HLX: variants seen among roughly 807,000 people sequenced by gnomAD.
The protein encoded by HLX is H2.0 like homeobox, also known as H2.0-like homeobox protein.
A neutral mutation model predicts 27.7 loss-of-function variants in HLX; 6 were observed. The ratio of observed to expected loss-of-function variants is 0.22; its 90% CI spans 0.12 to 0.43. The LOEUF is 0.43. HLX is among the 20% of genes least tolerant of loss of function. The pLI is 1.00. For synonymous variants in HLX, 328 were observed against 293.8 expected (o/e 1.12, Z -1.19); for missense variants, 666 against 655.2 (o/e 1.02, Z -0.18).
At chr1:220,881,749 C>G in intron 2 of HLX, 1 of 397,498 alleles carries the variant, frequency 2.5e-6, no homozygotes, top group South Asian at 2.1e-5. Context: ...GGTGCCTGGA[C>G]ACATGCGGGA....
At chr1:220,880,475 G>T in intron 1 of HLX, 26 bp downstream of exon 1, 1 of 1,612,942 alleles carries the variant, frequency 6.2e-7, no homozygotes, top group Admixed American at 1.7e-5. Flanking sequence ...GAGGCTGCAG[G>T]CCTCTGACCA....
rs71167242 is a variant in HLX, at chr1:220,881,763, A to AACACACAC, written c.773-358_773-351dup. ...GGGTGCCTGGACACATGCGGGAATA[A>AACACACAC]ACACACACACACACACACACACACA... is the stretch of plus-strand genomic sequence containing the variant. On this transcript the variant is annotated intron_variant, in intron 2 of 3. Transcript: ENST00000366903. 2,315 of 306,604 alleles carry AACACACAC rather than the reference A, an allele frequency of 7.6e-3. 29 individuals carry two copies. The highest frequency in any genetic ancestry group is 0.019 in the East Asian group (233 of 12,018). 19.0% of individuals were successfully genotyped at this position (306,604 alleles called of 1,614,324 possible).
In HLX at chr1:220,879,913, C is replaced by A; in HGVS notation, c.56C>A (p.Ala19Asp). Residue 19 changes from alanine (A) to aspartate (D), a missense_variant, in exon 1 of 4, where the codon GCC becomes GAC. Ala to Asp is a moderately radical substitution (Grantham distance 126). Coordinates refer to ENST00000366903, the MANE Select transcript of HLX (RefSeq NM_021958.4). The stretch of plus-strand genomic sequence containing the variant: ...GCCTCCAACTTCAGCCTCTGGTCGG[C>A]CGCTTACTGCTCCTCGGCCGGCCCA... ...FYASNFSLWSAAYCSSAGPGG... is the reference protein window; with the variant it reads ...FYASNFSLWSDAYCSSAGPGG... 6.3e-7 allele frequency: 1 copy of A among 1,595,428 alleles called. No homozygotes were observed. Among genetic ancestry groups the A allele is most frequent in the South Asian group, 1.1e-5 (1 of 89,888 alleles).
Position 220,882,401 on chromosome 1 carries a change from C to A in HLX, c.957+53C>A, listed in dbSNP as rs915342914. ...GCGCCCTCGGGCGGGCAGCAGCGCA[C>A]GGCCTAGTCTGGTAGGTCCCCTCCA... On this transcript the variant is annotated intron_variant, in intron 3 of 3. Coordinates refer to ENST00000366903, the MANE Select transcript of HLX (RefSeq NM_021958.4). The A allele has an allele frequency of 1.9e-6, 3 of 1,553,946 alleles. No homozygotes were observed. In the South Asian group the frequency reaches 3.4e-5, roughly 18 times the overall value.
rs1330664960 is a variant in HLX at position 220,884,303 on chromosome 1, C to G, written c.1066C>G (p.Pro356Ala). ...EAGEKPSGGA[P>A]AADGEQDERS... ...TGGCGAGAAGCCATCAGGTGGAGCC[C>G]CGGCTGCGGATGGCGAGCAGGACGA... is the stretch of plus-strand genomic sequence containing the variant. The change falls in exon 4 of 4, where the codon CCG becomes GCG. Residue 356 changes from proline to alanine, a missense_variant. Pro to Ala is a conservative substitution (Grantham distance 27). Transcript: ENST00000366903. This position sits in a 1 kb window ranked among gnomAD's most constrained non-coding sequence, Gnocchi z 4.9. 1 of 1,613,760 alleles carries G rather than the reference C, an allele frequency of 6.2e-7. No homozygotes were observed. The highest frequency in any genetic ancestry group is 1.7e-5 in the Admixed American group (1 of 60,012).
chr1:220,880,005 C>T lies in HLX; in HGVS notation c.148C>T (p.Leu50=), dbSNP rs756459451. The part of the protein sequence containing the change: ...KKPSFCIADI[L]HAGVGDLGAA... ...GCCCTCCTTCTGCATCGCAGACATT[C>T]TGCACGCCGGCGTGGGGGATCTGGG... is the stretch of plus-strand genomic sequence containing the variant. The change falls in exon 1 of 4, where the codon CTG becomes TTG. Residue 50 remains leucine, a synonymous_variant. Transcript: ENST00000366903. 6.3e-7 allele frequency: 1 copy of T among 1,596,726 alleles called. No homozygotes were observed. The highest frequency in any genetic ancestry group is 8.5e-7 in the Non-Finnish European group (1 of 1,177,966).
chr1:220,884,471 A>G lies in HLX; in HGVS notation c.1234A>G (p.Thr412Ala). Residue 412 changes from threonine to alanine, a missense_variant, in exon 4 of 4, where the codon ACT becomes GCT. Physicochemically the swap from Thr to Ala is moderately conservative, Grantham distance 58 (BLOSUM62 0). Transcript: ENST00000366903. This position sits in a 1 kb window ranked among gnomAD's most constrained non-coding sequence, Gnocchi z 4.9. ...AACAACAGTTATTAAGGCCCCGGTC[A>G]CTGGCGCCCTCATTACCGCCAGCAG... ...HQTTVIKAPVTGALITASSAG... is the reference protein window; with the variant it reads ...HQTTVIKAPVAGALITASSAG... The G allele has an allele frequency of 6.2e-7, 1 of 1,614,160 alleles. No homozygotes were observed. Among genetic ancestry groups the G allele is most frequent in the Admixed American group, 1.7e-5 (1 of 60,034 alleles).
In HLX at chr1:220,884,151, T is replaced by A. The variant is rs775049235; in HGVS notation, c.958-44T>A. The A allele has an allele frequency of 6.2e-7, 1 of 1,604,024 alleles. No individual in the cohort carries two copies. The highest frequency in any genetic ancestry group is 8.5e-7 in the Non-Finnish European group (1 of 1,171,652). Reference sequence around the variant, plus strand: ...AGTCGGATAGGAGCAAACCTGGGTCTCATCTCGGTGTCTCTTCTTGTCTCC... The same window carrying A: ...AGTCGGATAGGAGCAAACCTGGGTCACATCTCGGTGTCTCTTCTTGTCTCC... On this transcript the variant is annotated intron_variant, in intron 3 of 3. Coordinates refer to ENST00000366903, the MANE Select transcript of HLX (RefSeq NM_021958.4). The surrounding 1 kb of genome is among the most constrained non-coding windows in gnomAD (Gnocchi z 4.9).
Position 220,880,405 on chromosome 1 carries a change from C to G in HLX, c.548C>G (p.Ser183Cys), listed in dbSNP as rs1337202622. Residue 183 changes from serine to cysteine, a missense_variant, in exon 1 of 4, where the codon TCT becomes TGT. Ser to Cys is a moderately radical substitution (Grantham distance 112). Transcript: ENST00000366903. ...DLKFGIDRIL[S>C]AEFDPKVKEG... ...AAATTTGGAATTGACCGCATTTTAT[C>G]TGCAGAATTTGACCCAAAAGTCAAA... is the stretch of plus-strand genomic sequence containing the variant. 2 of 1,614,088 alleles carry G rather than the reference C, an allele frequency of 1.2e-6. No homozygotes were observed. The highest frequency in any genetic ancestry group is 3.3e-5 in the Admixed American group (2 of 60,034).
In HLX at chr1:220,880,192, T is replaced by C. The variant is rs1018989345; in HGVS notation, c.335T>C (p.Leu112Pro). 20 of 1,612,268 alleles carry C rather than the reference T, an allele frequency of 1.2e-5. No homozygotes were observed. Among genetic ancestry groups the C allele is most frequent in the Non-Finnish European group, 1.7e-5 (20 of 1,179,056 alleles). ...GTCCCGGCTGGCTTCCCGCAGCGGCTGTCTCCGCTCTCAGCCGCCTACCAC... is the reference window on the plus strand; with the variant it reads ...GTCCCGGCTGGCTTCCCGCAGCGGCCGTCTCCGCTCTCAGCCGCCTACCAC... ...SEVPAGFPQR[L>P]SPLSAAYHHH... The change falls in exon 1 of 4, where the codon CTG becomes CCG. Residue 112 changes from leucine to proline, a missense_variant. Transcript: ENST00000366903.
In HLX at chr1:220,880,250, A is replaced by G. The variant is rs762960568; in HGVS notation, c.393A>G (p.Gln131=). The G allele has an allele frequency of 6.2e-7, 1 of 1,612,816 alleles. No homozygotes were observed. The highest frequency in any genetic ancestry group is 1.3e-5 in the African/African-American group (1 of 74,928). The change falls in exon 1 of 4, where the codon CAA becomes CAG. Residue 131 remains glutamine, a synonymous_variant. Transcript: ENST00000366903. The part of the protein sequence containing the change: ...HHHPQQQQQQ[Q]QPQQQQPPPP... ...ACCCGCAACAACAACAGCAGCAGCA[A>G]CAGCCGCAGCAGCAACAGCCTCCGC...
chr1:220,879,807 A>C lies in HLX; in HGVS notation c.-51A>C, dbSNP rs1571711337. 1 of 1,515,744 alleles carries C rather than the reference A, an allele frequency of 6.6e-7. No homozygotes were observed. The highest frequency in any genetic ancestry group is 1.2e-5 in the South Asian group (1 of 81,902). The allele number at this position is 1,515,744 out of a possible 1,614,324, so 93.9% of individuals were successfully genotyped here. A position where few individuals can be genotyped will look rare whatever the true frequency, so the allele number is the denominator to read the frequency against. On this transcript the variant is annotated 5_prime_UTR_variant, in exon 1 of 4. Transcript: ENST00000366903. ...CTCGCGCGCCCCTCCCCGCGCGCCCACCCACCCAGTCCGGCTGGACTGCGG... is the reference window on the plus strand; with the variant it reads ...CTCGCGCGCCCCTCCCCGCGCGCCCCCCCACCCAGTCCGGCTGGACTGCGG...
rs1469333642 is a variant in HLX, at chr1:220,879,851, C to A, written c.-7C>A. ...ACTGCGGCAGCCGCGCGGCTCACCC[C>A]GGCAGGATGTTCGCAGCCGGGCTGG... On this transcript the variant is annotated 5_prime_UTR_variant, in exon 1 of 4. Transcript: ENST00000366903. 6.4e-7 allele frequency: 1 copy of A among 1,569,690 alleles called. No individual in the cohort carries two copies. The highest frequency in any genetic ancestry group is 8.6e-7 in the Non-Finnish European group (1 of 1,165,564).
At chr1:220,881,095 T>C (rs1024132116) in intron 1 of HLX, 99 bp from the exon 2 acceptor site, 47 of 1,117,484 alleles carry the variant, frequency 4.2e-5, no homozygotes, top group Non-Finnish European at 5.4e-5. Context: ...CTTCGCTCAA[T>C]AAAAGTGAAT....
At position 220,879,959 on chromosome 1, in the gene HLX, G is replaced by A. The variant is rs1674386321; in HGVS notation, c.102G>A (p.Leu34=). 6.3e-7 allele frequency: 1 copy of A among 1,598,334 alleles called. No individual in the cohort carries two copies. The highest frequency in any genetic ancestry group is 1.1e-5 in the South Asian group (1 of 90,644). Residue 34 remains leucine (L), a synonymous_variant, in exon 1 of 4, where the codon TTG becomes TTA. Transcript: ENST00000366903. Reference sequence around the variant, plus strand: ...GCCCAGGCGGCTGCTCCTTCCCCTTGGACCCCGCCGCCGTCAAAAAGCCCT... The same window carrying A: ...GCCCAGGCGGCTGCTCCTTCCCCTTAGACCCCGCCGCCGTCAAAAAGCCCT... ...SAGPGGCSFP[L]DPAAVKKPSF... is the part of the protein sequence containing the mutation.
At position 220,882,176 on chromosome 1, in the gene HLX, T is replaced by C; in HGVS notation, c.785T>C (p.Val262Ala). Residue 262 changes from valine to alanine, a missense_variant, in exon 3 of 4, where the codon GTG (valine) becomes GCG (alanine). Coordinates refer to ENST00000366903, the MANE Select transcript of HLX (RefSeq NM_021958.4). ...FQDTFPGPYA[V>A]LTKDTMPQTY... ...CGTTCTGCGGCAGGTCCCTATGCTGTGCTCACGAAGGACACCATGCCGCAG... is the reference window on the plus strand; with the variant it reads ...CGTTCTGCGGCAGGTCCCTATGCTGCGCTCACGAAGGACACCATGCCGCAG... The C allele has an allele frequency of 6.2e-7, 1 of 1,614,152 alleles. No individual in the cohort carries two copies.
In HLX at chr1:220,880,414, T is replaced by A; in HGVS notation, c.557T>A (p.Phe186Tyr). 1.2e-6 allele frequency: 2 copies of A among 1,614,058 alleles called. No individual in the cohort carries two copies. The highest frequency in any genetic ancestry group is 1.7e-6 in the Non-Finnish European group (2 of 1,180,044). ...FGIDRILSAE[F>Y]DPKVKEGNTL... ...ATTGACCGCATTTTATCTGCAGAATTTGACCCAAAAGTCAAAGAAGGCAAC... is the reference window on the plus strand; with the variant it reads ...ATTGACCGCATTTTATCTGCAGAATATGACCCAAAAGTCAAAGAAGGCAAC... The change falls in exon 1 of 4, where the codon TTT becomes TAT. Residue 186 changes from phenylalanine (F) to tyrosine (Y), a missense_variant. Phe to Tyr is a conservative substitution (Grantham distance 22). Coordinates refer to ENST00000366903, the MANE Select transcript of HLX (RefSeq NM_021958.4).
chr1:220,882,530 G>A (rs575079256), intron 3 of HLX, 182 bp downstream of exon 3: 67 of 607,754 alleles, frequency 1.1e-4, no homozygotes, highest in Admixed American at 6.6e-4. Flanking sequence ...GTGGAGATGG[G>A]GTGAGGGAGA....
chr1:220,879,842 G>C lies in HLX; in HGVS notation c.-16G>C. On this transcript the variant is annotated 5_prime_UTR_variant, in exon 1 of 4. Coordinates refer to ENST00000366903, the MANE Select transcript of HLX (RefSeq NM_021958.4). ...TCCGGCTGGACTGCGGCAGCCGCGCGGCTCACCCCGGCAGGATGTTCGCAG... is the reference window on the plus strand; with the variant it reads ...TCCGGCTGGACTGCGGCAGCCGCGCCGCTCACCCCGGCAGGATGTTCGCAG... 1 of 1,558,606 alleles carries C rather than the reference G, an allele frequency of 6.4e-7. No individual in the cohort carries two copies. Among genetic ancestry groups the C allele is most frequent in the South Asian group, 1.2e-5 (1 of 86,528 alleles).
Sources: gnomAD v4.1 joint callset for allele counts on GRCh38, gnomAD v4.1.1 for gene constraint, Gnocchi (gnomAD v3.1) non-coding constraint, MANE v1.5 for transcripts, NCBI Gene and HGNC (gene_info 2026-07-23, HGNC 2026-07-21) for gene names.